Variants in GAPVD1 observed in about 807,000 individuals in gnomAD.
GAPVD1 encodes the protein GTPase-activating protein and VPS9 domain-containing protein 1.
In GAPVD1, 35 loss-of-function variants were observed where a neutral mutation model predicts 155.5. The ratio of observed to expected loss-of-function variants is 0.23; its 90% CI spans 0.17 to 0.30. GAPVD1 has a LOEUF of 0.30. GAPVD1 is among the 10% of genes least tolerant of loss of function. GAPVD1 has a pLI of 1.00. For synonymous variants in GAPVD1, 636 were observed against 619.7 expected (o/e 1.03, Z -0.39); for missense variants, 1,429 against 1,775.7 (o/e 0.80, Z 3.51).
intron 19 of GAPVD1, chr9:125,345,747 C>T (rs1848432411): frequency 6.6e-6 from 1 of 152,168 alleles, no homozygotes; most frequent in Non-Finnish European, 1.5e-5. Context: ...GAGATAATCT[C>T]TGTAAGGTAC....
At position 125,364,118 on chromosome 9, in the gene GAPVD1, A is replaced by G. The variant is rs1219847136; in HGVS notation, c.*1372A>G. 1 of 152,268 alleles carries G rather than the reference A, an allele frequency of 6.6e-6. No individual in the cohort carries two copies. The highest frequency in any genetic ancestry group is 1.5e-5 in the Non-Finnish European group (1 of 68,044). The allele number at this position is 152,268 out of a possible 1,614,324, so 9.4% of individuals were successfully genotyped here. On this transcript the variant is annotated 3_prime_UTR_variant, in exon 28 of 28. Coordinates refer to ENST00000297933, the MANE Select transcript of GAPVD1 (RefSeq NM_001282680.3). ...CTTGTTGTTGGGAGCATTTCCAGGC[A>G]TCTTTTAAGGGAACTGTGACAAACA...
At chr9:125,335,858 G>A (rs1297103956) in intron 15 of GAPVD1, among the ~76,000 whole-genome samples, 2 of 151,740 alleles carry the variant, frequency 1.3e-5, no homozygotes, top group African/African-American at 4.8e-5. Context: ...TTTTTAAGTT[G>A]TAAAGATATC....
intron 2 of GAPVD1, among the ~76,000 whole-genome samples, chr9:125,278,249 G>C (rs1012921749): frequency 6.6e-6 from 1 of 152,176 alleles, no homozygotes; most frequent in Non-Finnish European, 1.5e-5. Context: ...GGCTGGGTGC[G>C]GTGGCTTATG....
chr9:125,295,835 C>T (rs943210892), intron 3 of GAPVD1, among the ~76,000 whole-genome samples: 2 of 152,116 alleles, frequency 1.3e-5, no homozygotes, highest in African/African-American at 2.4e-5. Context: ...ATTTTATGTT[C>T]TCTTTCTATC....
intron 1 of GAPVD1, chr9:125,263,528 G>GT (rs74902151): frequency 0.15 from 91,166 of 590,500 alleles, 1 homozygote; most frequent in South Asian, 0.23. Context: ...AAGAACTGTT[G>GT]TTTTTTTTTT....
intron 9 of GAPVD1, among the ~76,000 whole-genome samples, chr9:125,318,911 C>T (rs192383906): frequency 5.5e-4 from 84 of 152,166 alleles, no homozygotes; most frequent in Non-Finnish European, 5.0e-4. Flanking sequence ...CGCAGTGGCT[C>T]ACACCTGTAA....
At chr9:125,310,801 G>C (rs188786855) in intron 8 of GAPVD1, among the ~76,000 whole-genome samples, 1 of 149,972 alleles carries the variant, frequency 6.7e-6, no homozygotes, top group East Asian at 1.9e-4. Flanking sequence ...GCCTCCCAAA[G>C]TGCTGAGATT....
rs552308506 is a variant in GAPVD1, at chr9:125,364,370, G to A, written c.*1624G>A. Reference sequence around the variant, plus strand: ...AGTGATTCCCCTGCCTCAGCCTCGCGAGTAGCTAGGACTACAGGCGCATGT... The same window carrying A: ...AGTGATTCCCCTGCCTCAGCCTCGCAAGTAGCTAGGACTACAGGCGCATGT... On this transcript the variant is annotated 3_prime_UTR_variant, in exon 28 of 28. Transcript: ENST00000297933. The A allele has an allele frequency of 2.0e-5, 3 of 152,062 alleles. No individual in the cohort carries two copies. Among genetic ancestry groups the A allele is most frequent in the East Asian group, 1.9e-4 (1 of 5,188 alleles). 9.4% of individuals were successfully genotyped at this position (152,062 alleles called of 1,614,324 possible). A position where few individuals can be genotyped will look rare whatever the true frequency, so the allele number is the denominator to read the frequency against.
chr9:125,276,965 T>C (rs1330255805), intron 2 of GAPVD1, among the ~76,000 whole-genome samples: 1 of 152,008 alleles, frequency 6.6e-6, no homozygotes, highest in African/African-American at 2.4e-5. Flanking sequence ...AGTCTCCCTA[T>C]GTTGTCCAGG....
In GAPVD1 at chr9:125,325,731, A is replaced by C. The variant is rs188015654; in HGVS notation, c.1859-685A>C. ...ATGCTGTATTTTACTGGATTTGTTT[A>C]TCAGTGTATTAATTAGGATTAAGTT... is the stretch of plus-strand genomic sequence containing the variant. On this transcript the variant is annotated intron_variant, in intron 11 of 27. Coordinates refer to ENST00000297933, the MANE Select transcript of GAPVD1 (RefSeq NM_001282680.3). Among the ~76,000 whole-genome samples, 4 of 152,230 alleles carry C rather than the reference A, an allele frequency of 2.6e-5. No homozygotes were observed. The East Asian group carries it at 7.7e-4, about 29-fold the overall frequency.
chr9:125,362,863 G>T lies in GAPVD1; in HGVS notation c.*117G>T. On this transcript the variant is annotated 3_prime_UTR_variant, in exon 28 of 28. Coordinates refer to ENST00000297933, the MANE Select transcript of GAPVD1 (RefSeq NM_001282680.3). ...TTTTGTATGATACTGCACAGCATCA[G>T]GCATTTTAAAGCAGATCTTTACTAA... 3.7e-6 allele frequency: 3 copies of T among 818,066 alleles called. No individual in the cohort carries two copies. Among genetic ancestry groups the T allele is most frequent in the South Asian group, 2.2e-5 (1 of 44,828 alleles). The allele number at this position is 818,066 out of a possible 1,614,324, so 50.7% of individuals were successfully genotyped here.
In GAPVD1 at chr9:125,302,287, A is replaced by G. The variant is rs1285867880; in HGVS notation, c.490A>G (p.Ser164Gly). Residue 164 changes from serine (S) to glycine (G), a missense_variant, in exon 5 of 28, where the codon AGT becomes GGT. Ser to Gly is a moderately conservative substitution (Grantham distance 56, BLOSUM62 0). Around this residue, in one of 4 missense-constraint regions of GAPVD1, gnomAD observed 628 missense variants for 733.4 expected, o/e 0.86. Coordinates refer to ENST00000297933, the MANE Select transcript of GAPVD1 (RefSeq NM_001282680.3). ...CTTGATTGAATTTGAACTTAAAGAA[A>G]GTGACAACCCTAGGCGACTTTTGAG... ...RYLIEFELKE[S>G]DNPRRLLRRG... 2 of 1,614,138 alleles carry G rather than the reference A, an allele frequency of 1.2e-6. No individual in the cohort carries two copies. The highest frequency in any genetic ancestry group is 1.7e-5 in the Admixed American group (1 of 60,014).
At chr9:125,266,294 T>TTTTTA (rs1356905067) in intron 1 of GAPVD1, among the ~76,000 whole-genome samples, 15 of 149,554 alleles carry the variant, frequency 1.0e-4, no homozygotes, top group East Asian at 7.8e-4. Context: ...GCCCGGCTAA[T>TTTTTA]TTTTATTTTA....
intron 8 of GAPVD1, 93 bp from the exon 9 acceptor site, chr9:125,312,359 T>G: frequency 1.3e-6 from 1 of 797,582 alleles, no homozygotes; most frequent in Non-Finnish European, 2.0e-6. Flanking sequence ...TGTGCAAATG[T>G]TCTGCACTAA....
Position 125,331,967 on chromosome 9 carries a change from G to C in GAPVD1, c.2215G>C (p.Glu739Gln). ...GCAGGAGGAGCGTCTGCAAGAACTG[G>C]AGAGCTGTTCTGGACTGGGTAGCAC... Reference protein sequence around the residue: ...LKQEERLQELESCSGLGSTSD... With the variant: ...LKQEERLQELQSCSGLGSTSD... Residue 739 changes from glutamate (E) to glutamine (Q), a missense_variant, in exon 14 of 28, where the codon GAG becomes CAG. By Grantham distance (29) the Glu-to-Gln change is conservative. Around this residue, in one of 4 missense-constraint regions of GAPVD1, gnomAD observed 699 missense variants for 826.0 expected, o/e 0.85. Transcript: ENST00000297933. 1 of 1,613,754 alleles carries C rather than the reference G, an allele frequency of 6.2e-7. No homozygotes were observed. The highest frequency in any genetic ancestry group is 8.5e-7 in the Non-Finnish European group (1 of 1,179,672).
At chr9:125,272,248 T>G (rs1037737429) in intron 2 of GAPVD1, among the ~76,000 whole-genome samples, 1 of 152,132 alleles carries the variant, frequency 6.6e-6, no homozygotes, top group Non-Finnish European at 1.5e-5. Flanking sequence ...GGTCTTGAAC[T>G]CCTGACCTCG....
chr9:125,314,428 G>T (rs1406597344), intron 9 of GAPVD1, among the ~76,000 whole-genome samples: 1 of 152,146 alleles, frequency 6.6e-6, no homozygotes, highest in Non-Finnish European at 1.5e-5. Context: ...GGCCGAGGTG[G>T]GTGGATCCCC....
intron 15 of GAPVD1, among the ~76,000 whole-genome samples, chr9:125,333,501 T>C (rs1846394877): frequency 6.6e-6 from 1 of 150,750 alleles, no homozygotes; most frequent in Admixed American, 6.6e-5. Context: ...TTTTTTTTTT[T>C]TTTTGAGACA....
chr9:125,342,915 G>C (rs1249188884), intron 19 of GAPVD1, among the ~76,000 whole-genome samples: 1 of 152,128 alleles, frequency 6.6e-6, no homozygotes, highest in Non-Finnish European at 1.5e-5. Flanking sequence ...ACAGCTGGGG[G>C]TTGGGTTTTT....
Sources: gnomAD v4.1 joint callset for allele counts (sites outside exome capture counted in the v4.1 genomes callset) on GRCh38, gnomAD v4.1.1 for gene constraint, gnomAD v4.1.1 regional missense constraint, MANE v1.5 for transcripts, NCBI Gene and HGNC (gene_info 2026-07-23, HGNC 2026-07-21) for gene names.